The following PES1 variants were observed in gnomAD, a reference collection of about 807,000 sequenced individuals.
The protein encoded by PES1 is pescadillo ribosomal biogenesis factor 1.
In PES1, 31 loss-of-function variants were observed where a neutral mutation model predicts 77.1. The ratio of observed to expected loss-of-function variants is 0.40; its 90% CI spans 0.30 to 0.54. The LOEUF is 0.54. Among genes scored for constraint, PES1 ranks in the 20% least tolerant of loss-of-function variants. The pLI, the probability that PES1 is intolerant of heterozygous loss-of-function variation, is 0.45. For missense variants in PES1, 658 were observed against 771.7 expected, an observed-to-expected ratio of 0.85 and a Z score of 1.75; for synonymous variants, 282 against 303.0, an observed-to-expected ratio of 0.93 and a Z score of 0.72.
chr22:30,590,105 A>G (rs2087155240), intron 1 of PES1, among the ~76,000 whole-genome samples: 1 of 152,214 alleles, frequency 6.6e-6, no homozygotes, highest in Non-Finnish European at 1.5e-5. Flanking sequence ...TTATGGTCAA[A>G]GCACTAAGCT....
At chr22:30,586,539 G>A (rs1244650594) in intron 4 of PES1, among the ~76,000 whole-genome samples, 3 of 152,308 alleles carry the variant, frequency 2.0e-5, no homozygotes, top group East Asian at 3.9e-4. Flanking sequence ...CTACTATAGC[G>A]TATTTAGCAG....
intron 1 of PES1, chr22:30,606,447 C>G (rs2087444870): frequency 6.6e-6 from 1 of 152,132 alleles, no homozygotes; most frequent in African/African-American, 2.4e-5. Flanking sequence ...GACAGTGTTT[C>G]CCCATGTTGC....
upstream of PES1, chr22:30,592,210 G>C (rs563037724): frequency 9.6e-7 from 1 of 1,043,296 alleles, no homozygotes; most frequent in East Asian, 7.5e-5. Flanking sequence ...ACAGCGCGGT[G>C]CCTTCTGGGA....
upstream of PES1, chr22:30,591,915 A>G: frequency 1.3e-6 from 2 of 1,501,190 alleles, no homozygotes; most frequent in Admixed American, 4.4e-5. Context: ...AAGGACCCCG[A>G]GGACCCTCCC....
At chr22:30,603,977 T>A (rs1232888416) in intron 2 of PES1, 2 of 151,630 alleles carry the variant, frequency 1.3e-5, no homozygotes, top group Non-Finnish European at 2.9e-5. Flanking sequence ...AAGGGTGGAG[T>A]TAGGTGAAGT....
rs1295298441 is a variant in PES1 at position 30,577,003 on chromosome 22, G to A, written c.*43C>T. On this transcript the variant is annotated 3_prime_UTR_variant, in exon 15 of 15. Coordinates refer to ENST00000354694, the MANE Select transcript of PES1 (RefSeq NM_014303.4). ...CTCTGGCCTGCCTCTGCCACATCCA[G>A]CTGCTAGGGGCTGGCCTCAGCCCTG... 1 of 1,527,956 alleles carries A rather than the reference G, an allele frequency of 6.5e-7. No individual in the cohort carries two copies. The highest frequency in any genetic ancestry group is 2.3e-5 in the East Asian group (1 of 44,412). 94.6% of individuals were successfully genotyped at this position (1,527,956 alleles called of 1,614,324 possible).
Position 30,591,895 on chromosome 22 carries a change from G to C in PES1, c.-62C>G, listed in dbSNP as rs1602022031. 6.6e-7 allele frequency: 1 copy of C among 1,525,830 alleles called. No homozygotes were observed. Among genetic ancestry groups the C allele is most frequent in the East Asian group, 2.5e-5 (1 of 39,452 alleles). 94.5% of individuals were successfully genotyped at this position (1,525,830 alleles called of 1,614,324 possible). A position where few individuals can be genotyped will look rare whatever the true frequency, so the allele number is the denominator to read the frequency against. The stretch of plus-strand genomic sequence containing the variant: ...CAGGGAGCTCCACTTCCTCCCGCAC[G>C]TGCCCTGCCAAGGACCCCGAGGACC... On this transcript the variant is annotated 5_prime_UTR_variant, in exon 1 of 15. Coordinates refer to ENST00000354694, the MANE Select transcript of PES1 (RefSeq NM_014303.4).
chr22:30,592,504 T>A, upstream of PES1: 2 of 784,852 alleles, frequency 2.5e-6, no homozygotes, highest in Non-Finnish European at 3.1e-6. Context: ...ATATTTAAAA[T>A]GTACATTCAA....
At chr22:30,605,324 TTCCTATTCCTACTCCCCCACCCTCTA>T in intron 2 of PES1, 1 of 259,010 alleles carries the variant, frequency 3.9e-6, no homozygotes, top group Non-Finnish European at 6.0e-6. Flanking sequence ...ATATGCTGTC[TTCCTATTCCTACTCCCCCACCCTCTA>T]GCACTGAGTC....
In PES1 at chr22:30,587,883, A is replaced by G; in HGVS notation, c.258+138T>C. 1.2e-5 allele frequency: 10 copies of G among 822,862 alleles called. No individual in the cohort carries two copies. In the South Asian group the frequency reaches 1.8e-4, roughly 15 times the overall value. 51.0% of individuals were successfully genotyped at this position (822,862 alleles called of 1,614,324 possible). ...CAAACTAACCGACCTCTTCCCTCCA[A>G]GTACTTCTGTTGAGGCTCACCCTGC... On this transcript the variant is annotated intron_variant, in intron 3 of 14. Coordinates refer to ENST00000354694, the MANE Select transcript of PES1 (RefSeq NM_014303.4).
At chr22:30,599,825 G>T (rs1356182886) in intron 2 of PES1, among the ~76,000 whole-genome samples, 1 of 152,066 alleles carries the variant, frequency 6.6e-6, no homozygotes, top group African/African-American at 2.4e-5. Context: ...GCTTGAACCT[G>T]GCAGGCAGAG....
At chr22:30,597,264 G>T (rs1219140085) in intron 2 of PES1, among the ~76,000 whole-genome samples, 1 of 151,956 alleles carries the variant, frequency 6.6e-6, no homozygotes, top group African/African-American at 2.4e-5. Context: ...ATGAGAGCAG[G>T]ACTGGCAGGC....
At chr22:30,585,204 G>A (rs1490736445) in intron 4 of PES1, 2 of 468,072 alleles carry the variant, frequency 4.3e-6, no homozygotes, top group African/African-American at 2.0e-5. Flanking sequence ...GCCAGCGTAG[G>A]TTATGTCTTC....
rs539890200 is a variant in PES1 at position 30,606,956 on chromosome 22, G to A, written c.-865C>T. On this transcript the variant is annotated 5_prime_UTR_variant, in exon 1 of 17. Transcript: ENST00000402281. Reference sequence around the variant, plus strand: ...AGCTGGGGGGACAGCAGACAGGCACGGTCGGACAGACTTGACAGATCAGGC... The same window carrying A: ...AGCTGGGGGGACAGCAGACAGGCACAGTCGGACAGACTTGACAGATCAGGC... The A allele has an allele frequency of 1.1e-4, 101 of 954,214 alleles. No homozygotes were observed. In the South Asian group the frequency reaches 1.4e-3, roughly 14 times the overall value. 59.1% of individuals were successfully genotyped at this position (954,214 alleles called of 1,614,324 possible). A position where few individuals can be genotyped will look rare whatever the true frequency, so the allele number is the denominator to read the frequency against.
intron 2 of PES1, among the ~76,000 whole-genome samples, chr22:30,596,983 G>C (rs111921397): frequency 6.6e-6 from 1 of 152,212 alleles, no homozygotes; most frequent in African/African-American, 2.4e-5. Flanking sequence ...CGCTGGCCAC[G>C]GGCAGTGAGG....
At chr22:30,586,387 G>C (rs1235491313) in intron 4 of PES1, among the ~76,000 whole-genome samples, 1 of 152,170 alleles carries the variant, frequency 6.6e-6, no homozygotes, top group Non-Finnish European at 1.5e-5. Context: ...CAGCCAGGTT[G>C]GATGAAGCCA....
chr22:30,596,254 C>T (rs1358926665), upstream of PES1, among the ~76,000 whole-genome samples: 1 of 152,096 alleles, frequency 6.6e-6, no homozygotes, highest in Non-Finnish European at 1.5e-5. Context: ...TCAAGGCTAC[C>T]TGGAGATTTT....
At chr22:30,594,786 T>C (rs566086964), upstream of PES1, among the ~76,000 whole-genome samples, 3 of 151,834 alleles carry the variant, frequency 2.0e-5, no homozygotes, top group South Asian at 2.1e-4. Context: ...CTGGACAACA[T>C]AGTGAGACCC....
chr22:30,587,551 A>G (rs993496082), intron 3 of PES1, among the ~76,000 whole-genome samples, 156 bp from the exon 4 acceptor site: 3 of 152,184 alleles, frequency 2.0e-5, no homozygotes, highest in African/African-American at 7.2e-5. Flanking sequence ...GCCCAGGATG[A>G]GCAAAAGAGC....
Sources: gnomAD v4.1 joint callset for allele counts (sites outside exome capture counted in the v4.1 genomes callset) on GRCh38, gnomAD v4.1.1 for gene constraint, MANE v1.5 for transcripts, NCBI Gene and HGNC (gene_info 2026-07-23, HGNC 2026-07-21) for gene names.